The following LOXL2 variants were observed in gnomAD, a reference collection of about 807,000 sequenced individuals.
LOXL2 encodes lysyl oxidase homolog 2.
In LOXL2, 70 loss-of-function variants were observed where a neutral mutation model predicts 93.0. That is an observed-to-expected ratio of 0.75 (90% CI 0.62 to 0.92). The LOEUF is 0.92. Among genes scored for constraint, LOXL2 ranks in the 40% least tolerant of loss-of-function variants. The probability of loss-of-function intolerance (pLI) is 0.00; values close to 1 mark genes in which losing one functional copy is unlikely to be tolerated. For missense variants in LOXL2, 973 were observed against 1,054.9 expected (o/e 0.92, Z 1.08); for synonymous variants, 438 against 413.2 (o/e 1.06, Z -0.73).
chr8:23,328,287 A>G, intron 6 of LOXL2, 95 bp downstream of exon 6: 2 of 1,334,236 alleles, frequency 1.5e-6, no homozygotes, highest in African/African-American at 2.9e-5. Context: ...AGGGAAAGTG[A>G]GGATTTCCCG....
intron 1 of LOXL2, among the ~76,000 whole-genome samples, chr8:23,394,167 C>T (rs569174497): frequency 5.9e-4 from 89 of 152,062 alleles, no homozygotes; most frequent in African/African-American, 1.9e-3. Flanking sequence ...CCGAGGTGGG[C>T]GGATCACCTG....
chr8:23,352,418 T>C (rs1470665597), intron 3 of LOXL2, among the ~76,000 whole-genome samples: 4 of 152,032 alleles, frequency 2.6e-5, no homozygotes, highest in Non-Finnish European at 4.4e-5. Flanking sequence ...ATAGGCCCCC[T>C]TTTTTCCCCA....
rs1264478645 is a variant in LOXL2 at position 23,328,701 on chromosome 8, ATGTATGGATG to A, written c.967-146_967-137del. On this transcript the variant is annotated intron_variant, in intron 5 of 13. Coordinates refer to ENST00000389131, the MANE Select transcript of LOXL2 (RefSeq NM_002318.3). The stretch of plus-strand genomic sequence containing the variant: ...AGTCTGGGAGCTGCAACTATGCTTG[ATGTATGGATG>A]TGTGTGTGTGTGTGTGTGTGTGTGT... 10 of 626,848 alleles carry A rather than the reference ATGTATGGATG, an allele frequency of 1.6e-5. No homozygotes were observed. In the Admixed American group the frequency reaches 2.3e-4, roughly 15 times the overall value. The allele number at this position is 626,848 out of a possible 1,614,324, so 38.8% of individuals were successfully genotyped here.
intron 1 of LOXL2, among the ~76,000 whole-genome samples, chr8:23,395,587 T>A (rs918303446): frequency 6.6e-6 from 1 of 152,348 alleles, no homozygotes; most frequent in South Asian, 2.1e-4. Context: ...TATATCTCAA[T>A]AAAGTCTTTT....
intron 1 of LOXL2, among the ~76,000 whole-genome samples, chr8:23,383,657 G>GTTTTTTTTTTTT (rs968347697): frequency 3.5e-3 from 78 of 22,250 alleles, no homozygotes; most frequent in East Asian, 8.8e-3. Flanking sequence ...TTTTTTTTTT[G>GTTTTTTTTTTTT]TTTTTTTTTT....
chr8:23,353,589 G>A (rs976377413), intron 3 of LOXL2, among the ~76,000 whole-genome samples: 5 of 152,076 alleles, frequency 3.3e-5, no homozygotes, highest in African/African-American at 7.2e-5. Context: ...AGATATGATG[G>A]CACAGCCTGT....
chr8:23,303,114 A>C (rs573525315), intron 11 of LOXL2, among the ~76,000 whole-genome samples, 168 bp downstream of exon 11: 13 of 151,966 alleles, frequency 8.6e-5, no homozygotes, highest in Admixed American at 8.5e-4. Context: ...GGTCATGCCC[A>C]TGCCCCCAGC....
rs759793751 is a variant in LOXL2, at chr8:23,360,265, C to T, written c.356G>A (p.Gly119Glu). ...TASSSYGKGE[G>E]PIWLDNLHCT... ...GTGGAGATTGTCTAACCAGATGGGC[C>T]CTGAAGGAGGCAGAGAGGAGAGAAA... Residue 119 changes from glycine (G) to glutamate (E), a missense_variant and splice_region_variant, in exon 3 of 14, where the codon GGG becomes GAG. By Grantham distance (98) the Gly-to-Glu change is moderately conservative. Coordinates refer to ENST00000389131, the MANE Select transcript of LOXL2 (RefSeq NM_002318.3). 6.3e-7 allele frequency: 1 copy of T among 1,596,416 alleles called. No individual in the cohort carries two copies. The highest frequency in any genetic ancestry group is 8.6e-7 in the Non-Finnish European group (1 of 1,166,140).
intron 11 of LOXL2, among the ~76,000 whole-genome samples, chr8:23,302,741 A>G (rs547556600): frequency 6.6e-6 from 1 of 152,264 alleles, no homozygotes; most frequent in East Asian, 1.9e-4. Flanking sequence ...AAGAACTGAC[A>G]TGTCTCCCCA....
chr8:23,301,987 C>T (rs1803139982), intron 12 of LOXL2, 40 bp downstream of exon 12: 1 of 1,611,874 alleles, frequency 6.2e-7, no homozygotes, highest in Non-Finnish European at 8.5e-7. Flanking sequence ...GCCTCCCCTC[C>T]TCCCCCTGCA....
intron 1 of LOXL2, among the ~76,000 whole-genome samples, chr8:23,382,015 A>G (rs974181744): frequency 3.9e-5 from 6 of 152,228 alleles, no homozygotes; most frequent in African/African-American, 1.2e-4. Context: ...GGACCAGGCA[A>G]ACCACAGCCT....
At chr8:23,328,351 A>G in intron 6 of LOXL2, 31 bp downstream of exon 6, 5 of 1,607,878 alleles carry the variant, frequency 3.1e-6, no homozygotes, top group Non-Finnish European at 4.3e-6. Context: ...TCCCAGGAAG[A>G]GAGGCCCCCT....
chr8:23,385,023 T>G (rs1804737904), intron 1 of LOXL2, among the ~76,000 whole-genome samples: 1 of 152,166 alleles, frequency 6.6e-6, no homozygotes, highest in Non-Finnish European at 1.5e-5. Context: ...TCTGGTAATT[T>G]TATCGTGCAA....
intron 5 of LOXL2, among the ~76,000 whole-genome samples, chr8:23,330,675 A>G (rs1803660644): frequency 6.6e-6 from 1 of 152,184 alleles, no homozygotes; most frequent in Non-Finnish European, 1.5e-5. Context: ...TAAACCGCAC[A>G]GTAGAGGAAT....
chr8:23,387,191 G>A (rs79948702), intron 1 of LOXL2, among the ~76,000 whole-genome samples: 14,904 of 152,230 alleles, frequency 0.098, 1,007 homozygotes, highest in Non-Finnish European at 0.15. Context: ...GTCTCACTGG[G>A]CTTTTGACTG....
intron 10 of LOXL2, among the ~76,000 whole-genome samples, chr8:23,307,086 G>T (rs547927388): frequency 6.6e-6 from 1 of 152,312 alleles, no homozygotes; most frequent in African/African-American, 2.4e-5. Flanking sequence ...TTTGAGCCAG[G>T]GTTCTCAAGC....
intron 3 of LOXL2, among the ~76,000 whole-genome samples, chr8:23,356,049 T>A (rs1455226776): frequency 6.6e-6 from 1 of 152,236 alleles, no homozygotes; most frequent in Non-Finnish European, 1.5e-5. Context: ...TATTTCAACC[T>A]ACAGCAGTTT....
chr8:23,331,060 T>A (rs1440972838), intron 5 of LOXL2, among the ~76,000 whole-genome samples: 1 of 152,072 alleles, frequency 6.6e-6, no homozygotes, highest in Non-Finnish European at 1.5e-5. Context: ...TTTGTTCAAA[T>A]CTCCACCAAG....
intron 1 of LOXL2, among the ~76,000 whole-genome samples, chr8:23,390,153 A>G (rs1412083674): frequency 6.6e-6 from 1 of 152,100 alleles, no homozygotes; most frequent in Non-Finnish European, 1.5e-5. Context: ...AACAGGAGAG[A>G]TGAATGGTCC....
Sources: allele counts gnomAD v4.1 joint callset (sites outside exome capture counted in the v4.1 genomes callset), GRCh38; gene constraint gnomAD v4.1.1; transcripts MANE v1.5; gene names NCBI Gene and HGNC (gene_info 2026-07-23, HGNC 2026-07-21).